The following STK39 variants were observed in gnomAD, a reference collection of about 807,000 sequenced individuals.
STK39 encodes STE20/SPS1-related proline-alanine-rich protein kinase.
STK39 carries 20 observed loss-of-function variants against 77.8 expected under a neutral mutation model. The observed-to-expected ratio is 0.26, with a 90% CI of 0.18 to 0.37. The LOEUF is 0.37. Ranked by LOEUF, STK39 falls within the 10% of genes least tolerant of loss-of-function variation. The probability of loss-of-function intolerance (pLI) is 1.00; values close to 1 mark genes in which losing one functional copy is unlikely to be tolerated. For missense variants in STK39, 479 were observed against 656.5 expected, an observed-to-expected ratio of 0.73 and a Z score of 2.95; for synonymous variants, 246 against 234.1, an observed-to-expected ratio of 1.05 and a Z score of -0.47.
chr2:168,192,118 G>A lies in STK39; in HGVS notation c.209-10028C>T, dbSNP rs1035189221. 4.6e-5 allele frequency among the ~76,000 whole-genome samples: 7 copies of A among 152,260 alleles called. No individual in the cohort carries two copies. In the East Asian group the frequency reaches 5.8e-4, roughly 13 times the overall value. On this transcript the variant is annotated intron_variant, in intron 1 of 17. Transcript: ENST00000355999. The stretch of plus-strand genomic sequence containing the variant: ...GCTGGCAGAGGGAAAGACCCTTTCC[G>A]AAGCTAAGCTGACAAGAACAGTAAC...
At chr2:168,020,544 C>T (rs1367923916) in intron 14 of STK39, among the ~76,000 whole-genome samples, 1 of 151,708 alleles carries the variant, frequency 6.6e-6, no homozygotes, top group Non-Finnish European at 1.5e-5. Flanking sequence ...GGTCACTGGA[C>T]TACATTTTAA....
intron 1 of STK39, among the ~76,000 whole-genome samples, chr2:168,223,153 T>C (rs918724780): frequency 6.6e-6 from 1 of 152,180 alleles, no homozygotes; most frequent in Non-Finnish European, 1.5e-5. Context: ...AACCAGGGTC[T>C]GCCTGGAGTT....
chr2:168,118,616 AAAAAAAAC>A (rs1304366185), intron 10 of STK39, among the ~76,000 whole-genome samples: 1 of 151,466 alleles, frequency 6.6e-6, no homozygotes, highest in Non-Finnish European at 1.5e-5. Context: ...AAAAAAAAAA[AAAAAAAAC>A]AACAACTCAA....
chr2:168,186,429 C>T (rs1378466370), intron 1 of STK39, among the ~76,000 whole-genome samples: 1 of 152,144 alleles, frequency 6.6e-6, no homozygotes, highest in African/African-American at 2.4e-5. Flanking sequence ...CAGAGAATGC[C>T]ATACTAATTA....
chr2:168,241,321 T>C (rs1454488897), intron 1 of STK39, among the ~76,000 whole-genome samples: 2 of 152,230 alleles, frequency 1.3e-5, no homozygotes, highest in Admixed American at 1.3e-4. Flanking sequence ...CAGCATTTCC[T>C]GCCAGCATGG....
chr2:168,167,089 C>A, intron 3 of STK39, among the ~76,000 whole-genome samples: 1 of 152,226 alleles, frequency 6.6e-6, no homozygotes, highest in South Asian at 2.1e-4. Context: ...GAGAAGAGGA[C>A]ATACACATTC....
intron 1 of STK39, among the ~76,000 whole-genome samples, chr2:168,242,580 TATATATATATATATATAA>T (rs1558894012): frequency 1.6e-4 from 15 of 92,020 alleles, no homozygotes; most frequent in African/African-American, 5.0e-4. Flanking sequence ...TATATATATA[TATATATATATATATATAA>T]AGAGGCCAGG....
At chr2:167,956,678 A>ACACACACACACACT in intron 17 of STK39, among the ~76,000 whole-genome samples, 1 of 41,138 alleles carries the variant, frequency 2.4e-5, no homozygotes, top group African/African-American at 1.3e-4. Context: ...ACACACACAC[A>ACACACACACACACT]CACACACACA....
intron 16 of STK39, among the ~76,000 whole-genome samples, chr2:167,984,067 T>C (rs572744366): frequency 2.0e-5 from 3 of 152,342 alleles, no homozygotes; most frequent in African/African-American, 7.2e-5. Context: ...TGTTGCCTAT[T>C]AAGATCCATG....
intron 16 of STK39, among the ~76,000 whole-genome samples, chr2:167,966,835 A>G (rs1257924331): frequency 6.6e-6 from 1 of 152,234 alleles, no homozygotes; most frequent in African/African-American, 2.4e-5. Flanking sequence ...CCCAGCTGCT[A>G]GGCTTATTTT....
chr2:168,154,942 G>C (rs907780621), intron 5 of STK39, among the ~76,000 whole-genome samples: 1 of 152,170 alleles, frequency 6.6e-6, no homozygotes, highest in African/African-American at 2.4e-5. Flanking sequence ...GAATTGCTCT[G>C]CTTTCAAGTC....
chr2:168,071,568 C>T (rs1685940377), intron 12 of STK39, among the ~76,000 whole-genome samples: 1 of 152,136 alleles, frequency 6.6e-6, no homozygotes, highest in Non-Finnish European at 1.5e-5. Context: ...ATTGGTACAG[C>T]TATTGATAGC....
chr2:168,039,078 T>C (rs1584432), intron 14 of STK39, among the ~76,000 whole-genome samples: 96,363 of 151,874 alleles, frequency 0.63, 32,015 homozygotes, highest in Non-Finnish European at 0.74. Context: ...TTAAAGACTA[T>C]ACATGAATGT....
chr2:168,162,240 C>T (rs1439887686), intron 4 of STK39, among the ~76,000 whole-genome samples: 4 of 146,102 alleles, frequency 2.7e-5, no homozygotes, highest in South Asian at 2.1e-4. Flanking sequence ...GAGCCAACAC[C>T]GTGCCACTGC....
At chr2:168,165,689 G>A (rs1382305437) in intron 3 of STK39, among the ~76,000 whole-genome samples, 1 of 130,954 alleles carries the variant, frequency 7.6e-6, no homozygotes, top group South Asian at 2.3e-4. Context: ...GCTCCCCAGG[G>A]CTCCCCACCG....
intron 10 of STK39, among the ~76,000 whole-genome samples, chr2:168,103,957 A>G (rs998243927): frequency 2.0e-5 from 3 of 152,240 alleles, no homozygotes; most frequent in Non-Finnish European, 2.9e-5. Context: ...CAATCAGTTC[A>G]GCACTGGTTG....
chr2:167,999,437 A>G (rs1182115707), intron 16 of STK39, among the ~76,000 whole-genome samples: 1 of 152,154 alleles, frequency 6.6e-6, no homozygotes, highest in African/African-American at 2.4e-5. Context: ...GCACCACAGT[A>G]GATGAGATGC....
At chr2:168,172,910 A>C (rs191859923) in intron 2 of STK39, among the ~76,000 whole-genome samples, 7 of 152,330 alleles carry the variant, frequency 4.6e-5, no homozygotes, top group Admixed American at 4.6e-4. Context: ...CCTTGGCTGC[A>C]TATTGAAATC....
At chr2:168,038,266 C>T (rs141061370) in intron 14 of STK39, among the ~76,000 whole-genome samples, 20 of 151,672 alleles carry the variant, frequency 1.3e-4, no homozygotes, top group African/African-American at 4.6e-4. Flanking sequence ...CCCAAGCCCA[C>T]GAAAAAGTGT....
Sources: allele counts gnomAD v4.1 joint callset (sites outside exome capture counted in the v4.1 genomes callset), GRCh38; gene constraint gnomAD v4.1.1; transcripts MANE v1.5; gene names NCBI Gene and HGNC (gene_info 2026-07-23, HGNC 2026-07-21).